Variants in OPCML observed in about 807,000 individuals in gnomAD.
The protein encoded by OPCML is opioid binding protein/cell adhesion molecule like.
Under a neutral mutation model 37.8 loss-of-function variants are expected in OPCML, and 13 were observed. That is an observed-to-expected ratio of 0.34 (90% CI 0.22 to 0.55). The LOEUF is 0.55. Ranked by LOEUF, OPCML falls within the 20% of genes least tolerant of loss-of-function variation. The pLI is 0.91. For synonymous variants in OPCML, 176 were observed against 168.8 expected (o/e 1.04, Z -0.33); for missense variants, 341 against 435.6 (o/e 0.78, Z 1.93).
intron 1 of OPCML, chr11:133,298,873 A>G (rs1942704552): frequency 6.6e-6 from 1 of 152,140 alleles, no homozygotes; most frequent in Non-Finnish European, 1.5e-5. Flanking sequence ...ATAAAACAAG[A>G]TATGCGCTGG....
At chr11:133,283,675 C>G (rs1942222306) in intron 1 of OPCML, among the ~76,000 whole-genome samples, 1 of 152,142 alleles carries the variant, frequency 6.6e-6, no homozygotes, top group South Asian at 2.1e-4. Context: ...TAGCACAGAT[C>G]AAAGAGGAAT....
chr11:133,074,578 G>C (rs1212542853), intron 1 of OPCML, among the ~76,000 whole-genome samples: 1 of 148,840 alleles, frequency 6.7e-6, no homozygotes, highest in Non-Finnish European at 1.5e-5. Context: ...TTGGCTTCCA[G>C]GAGGATGGTA....
chr11:132,698,398 T>C (rs1043391093), intron 2 of OPCML, among the ~76,000 whole-genome samples: 1 of 152,014 alleles, frequency 6.6e-6, no homozygotes, highest in Non-Finnish European at 1.5e-5. Context: ...ATTAGTGATG[T>C]TGAGTTTTTT....
intron 1 of OPCML, among the ~76,000 whole-genome samples, chr11:133,213,553 A>C (rs952541763): frequency 1.3e-5 from 2 of 152,186 alleles, no homozygotes; most frequent in African/African-American, 4.8e-5. Flanking sequence ...TTGATTTTAG[A>C]GTTTTTAACA....
At chr11:132,516,793 G>A (rs1363735669) in intron 4 of OPCML, among the ~76,000 whole-genome samples, 4 of 152,102 alleles carry the variant, frequency 2.6e-5, no homozygotes, top group Non-Finnish European at 5.9e-5. Context: ...TAAACATTGT[G>A]CGCTTGGTGC....
At chr11:133,140,561 G>T (rs1182833778) in intron 1 of OPCML, among the ~76,000 whole-genome samples, 4 of 138,376 alleles carry the variant, frequency 2.9e-5, no homozygotes, top group East Asian at 2.0e-4. Context: ...AGAAGAAGAA[G>T]AAGAAGAAGA....
intron 1 of OPCML, among the ~76,000 whole-genome samples, chr11:133,196,758 C>A (rs1274543748): frequency 6.6e-6 from 1 of 152,202 alleles, no homozygotes; most frequent in Non-Finnish European, 1.5e-5. Context: ...AGCCAAGATG[C>A]ATAGTCAATT....
chr11:133,422,691 G>T, intron 1 of OPCML: 1 of 984,296 alleles, frequency 1.0e-6, no homozygotes, highest in Non-Finnish European at 1.2e-6. Flanking sequence ...ATGTCATGAG[G>T]AAATATATGC....
At chr11:132,963,330 G>A (rs1946133651) in intron 1 of OPCML, among the ~76,000 whole-genome samples, 1 of 151,904 alleles carries the variant, frequency 6.6e-6, no homozygotes, top group Non-Finnish European at 1.5e-5. Context: ...GGTGGCTCAC[G>A]CCTGTAATCC....
intron 7 of OPCML, among the ~76,000 whole-genome samples, chr11:132,430,569 G>T (rs973597866): frequency 6.6e-6 from 1 of 152,212 alleles, no homozygotes; most frequent in African/African-American, 2.4e-5. Flanking sequence ...CTCAGGCTTG[G>T]CCTGAGGAAG....
At chr11:133,401,132 T>A (rs949063303) in intron 1 of OPCML, among the ~76,000 whole-genome samples, 9 of 152,224 alleles carry the variant, frequency 5.9e-5, no homozygotes, top group African/African-American at 2.2e-4. Context: ...GAGTCCAACT[T>A]ATTTTAAATA....
intron 1 of OPCML, among the ~76,000 whole-genome samples, chr11:132,959,303 A>T (rs2136715942): frequency 6.6e-6 from 1 of 152,352 alleles, no homozygotes; most frequent in South Asian, 2.1e-4. Flanking sequence ...ACTTGAATGG[A>T]TGAGGAGCTG....
At chr11:133,183,482 T>C (rs1937931984) in intron 1 of OPCML, among the ~76,000 whole-genome samples, 1 of 152,212 alleles carries the variant, frequency 6.6e-6, no homozygotes, top group African/African-American at 2.4e-5. Context: ...TATTACTGAA[T>C]GACTGTCTCA....
intron 2 of OPCML, among the ~76,000 whole-genome samples, chr11:132,799,170 C>A (rs1438053144): frequency 7.9e-5 from 12 of 152,160 alleles, no homozygotes; most frequent in Admixed American, 7.9e-4. Flanking sequence ...CTATGAAAGT[C>A]CTACATGGCA....
chr11:132,582,102 CTTTG>C lies in OPCML; in HGVS notation c.380-52920_380-52917del, dbSNP rs1338582238. On this transcript the variant is annotated intron_variant, in intron 3 of 7. Coordinates refer to ENST00000524381, the MANE Select transcript of OPCML (RefSeq NM_001012393.5). The stretch of plus-strand genomic sequence containing the variant: ...ATGATGGGACAACTATTCACACATA[CTTTG>C]TGTGTGTGTGTGTGTGTGTGTGTGT... Among the ~76,000 whole-genome samples the C allele has an allele frequency of 3.0e-5, 3 of 99,898 alleles. No homozygotes were observed. In the East Asian group the frequency reaches 8.9e-4, roughly 29 times the overall value. The allele number at this position is 99,898 out of a possible 152,430, so 65.5% of individuals were successfully genotyped here. A position where few individuals can be genotyped will look rare whatever the true frequency, so the allele number is the denominator to read the frequency against.
At chr11:132,531,866 A>G (rs139968100) in intron 3 of OPCML, among the ~76,000 whole-genome samples, 19 of 152,176 alleles carry the variant, frequency 1.2e-4, no homozygotes, top group Non-Finnish European at 1.9e-4. Context: ...AACTTCCAAA[A>G]TATTCTCAGA....
chr11:133,213,888 A>G (rs997819984), intron 1 of OPCML, among the ~76,000 whole-genome samples: 22 of 152,196 alleles, frequency 1.4e-4, no homozygotes, highest in Non-Finnish European at 2.2e-4. Flanking sequence ...TCTTTAAAAC[A>G]GTAGCGTGTC....
chr11:133,322,479 T>G (rs948914561), intron 1 of OPCML, among the ~76,000 whole-genome samples: 12 of 152,194 alleles, frequency 7.9e-5, no homozygotes, highest in African/African-American at 2.9e-4. Context: ...ACCATCCAAA[T>G]AAGTTGAATT....
At chr11:133,359,670 T>C (rs1592231778) in intron 1 of OPCML, among the ~76,000 whole-genome samples, 1 of 152,320 alleles carries the variant, frequency 6.6e-6, no homozygotes, top group South Asian at 2.1e-4. Context: ...TAAGCTCTTG[T>C]CCCTCAGCTG....
Sources: allele counts gnomAD v4.1 joint callset (sites outside exome capture counted in the v4.1 genomes callset), GRCh38; gene constraint gnomAD v4.1.1; transcripts MANE v1.5; gene names NCBI Gene and HGNC (gene_info 2026-07-23, HGNC 2026-07-21).